The following INSC variants were observed in gnomAD, a reference collection of about 807,000 sequenced individuals.
INSC encodes the protein INSC spindle orientation adaptor protein.
A neutral mutation model predicts 58.6 loss-of-function variants in INSC; 67 were observed. That is an observed-to-expected ratio of 1.14 (90% CI 0.94 to 1.40). The LOEUF (loss-of-function observed/expected upper bound fraction) is 1.40. Among genes scored for constraint, INSC ranks in the 40% most tolerant of loss-of-function variants. INSC has a pLI of 0.00. For synonymous variants in INSC, 262 were observed against 276.1 expected (o/e 0.95, Z 0.51); for missense variants, 714 against 692.0 (o/e 1.03, Z -0.36).
intron 9 of INSC, among the ~76,000 whole-genome samples, chr11:15,229,950 A>T (rs537052849): frequency 0.022 from 147 of 6,742 alleles, 3 homozygotes; most frequent in Non-Finnish European, 0.03. Flanking sequence ...ATATAATATT[A>T]TATATATATT....
chr11:15,202,459 T>G (rs1030739650), intron 7 of INSC, among the ~76,000 whole-genome samples: 1 of 152,162 alleles, frequency 6.6e-6, no homozygotes, highest in African/African-American at 2.4e-5. Context: ...TGCTCTCTTA[T>G]ATGGCAAAAT....
At position 15,239,077 on chromosome 11, in the gene INSC, G is replaced by A. The variant is rs1455836936; in HGVS notation, c.1393+3G>A. On this transcript the variant is annotated splice_donor_region_variant and intron_variant, in intron 11 of 12. Coordinates refer to ENST00000379556, the MANE Select transcript of INSC (RefSeq NM_001042536.3). ...ACGGGAGGCCGTGCGGCTCAGCTGT[G>A]AGTGGTGCTTTCTGGCTGTGGCTGG... 6.2e-7 allele frequency: 1 copy of A among 1,608,976 alleles called. No individual in the cohort carries two copies. The highest frequency in any genetic ancestry group is 1.7e-5 in the Admixed American group (1 of 59,856).
chr11:15,227,447 A>G (rs1404722517), intron 9 of INSC, among the ~76,000 whole-genome samples: 1 of 152,228 alleles, frequency 6.6e-6, no homozygotes, highest in African/African-American at 2.4e-5. Flanking sequence ...TTCTTAATAA[A>G]TGGTGAATAT....
intron 5 of INSC, chr11:15,188,239 G>A (rs1590420332): frequency 1.0e-6 from 1 of 985,466 alleles, no homozygotes; most frequent in Non-Finnish European, 1.2e-6. Context: ...AAGGGAATGG[G>A]AAGCCAGGAT....
chr11:15,124,235 G>A (rs1267686836), intron 1 of INSC, among the ~76,000 whole-genome samples: 1 of 152,186 alleles, frequency 6.6e-6, no homozygotes, highest in East Asian at 1.9e-4. Context: ...TCCCAGGTGA[G>A]GAGACTGTCA....
At chr11:15,201,301 G>A (rs557277362) in intron 7 of INSC, among the ~76,000 whole-genome samples, 40 of 152,232 alleles carry the variant, frequency 2.6e-4, no homozygotes, top group African/African-American at 9.6e-4. Flanking sequence ...CCCACAGCAG[G>A]CCTCCTAAAG....
At chr11:15,128,269 C>T (rs1848046264) in intron 1 of INSC, among the ~76,000 whole-genome samples, 1 of 152,186 alleles carries the variant, frequency 6.6e-6, no homozygotes, top group Non-Finnish European at 1.5e-5. Flanking sequence ...TGAATTATAT[C>T]TTTCACTCCT....
chr11:15,136,955 C>A (rs531639949), intron 1 of INSC, among the ~76,000 whole-genome samples: 138 of 152,276 alleles, frequency 9.1e-4, no homozygotes, highest in African/African-American at 3.2e-3. Context: ...CTATCTATGG[C>A]AGCTACAGCC....
At chr11:15,207,903 G>A (rs1449440067) in intron 7 of INSC, among the ~76,000 whole-genome samples, 4 of 152,168 alleles carry the variant, frequency 2.6e-5, no homozygotes, top group Non-Finnish European at 4.4e-5. Context: ...AGCAAGTTGA[G>A]GCTGGAAAGG....
At chr11:15,249,924 G>T (rs1447150545), downstream of INSC, among the ~76,000 whole-genome samples, 1 of 152,216 alleles carries the variant, frequency 6.6e-6, no homozygotes, top group East Asian at 1.9e-4. Flanking sequence ...GCACAAGTTA[G>T]CTCAGGTCAC....
intron 1 of INSC, among the ~76,000 whole-genome samples, chr11:15,140,827 C>G (rs1284950788): frequency 2.0e-5 from 3 of 152,004 alleles, no homozygotes; most frequent in Admixed American, 6.6e-5. Flanking sequence ...TCAGGTGACC[C>G]TCTTGCCTCG....
chr11:15,174,462 G>A (rs1160792758), intron 2 of INSC, among the ~76,000 whole-genome samples: 2 of 151,956 alleles, frequency 1.3e-5, no homozygotes, highest in African/African-American at 4.8e-5. Context: ...ATGTAACATT[G>A]GCTAGAGAAG....
chr11:15,245,345 A>C (rs986115676), intron 12 of INSC, among the ~76,000 whole-genome samples: 1 of 152,186 alleles, frequency 6.6e-6, no homozygotes, highest in Non-Finnish European at 1.5e-5. Flanking sequence ...ATTGGGCTGA[A>C]GATTAAGAAT....
At chr11:15,248,643 C>G (rs1301283876), downstream of INSC, among the ~76,000 whole-genome samples, 1 of 152,144 alleles carries the variant, frequency 6.6e-6, no homozygotes, top group African/African-American at 2.4e-5. Context: ...TCTGCCCATT[C>G]CTCAATATCA....
intron 2 of INSC, among the ~76,000 whole-genome samples, chr11:15,158,925 C>T (rs1043928948): frequency 8.8e-6 from 1 of 113,358 alleles, no homozygotes; most frequent in African/African-American, 3.5e-5. Context: ...CTGGAATTTT[C>T]TCCTGTTCAA....
At chr11:15,136,163 A>G (rs1293189441) in intron 1 of INSC, among the ~76,000 whole-genome samples, 1 of 152,250 alleles carries the variant, frequency 6.6e-6, no homozygotes, top group East Asian at 1.9e-4. Flanking sequence ...CCCACTGCAT[A>G]TAAAAGTTAT....
At chr11:15,180,694 C>CGGGGGGG (rs756237896) in intron 5 of INSC, among the ~76,000 whole-genome samples, 2 of 41,822 alleles carry the variant, frequency 4.8e-5, no homozygotes, top group African/African-American at 1.9e-4. Context: ...AGGGGGGGGG[C>CGGGGGGG]GGGGGGGGGT....
At chr11:15,201,153 G>T (rs1046548794) in intron 7 of INSC, among the ~76,000 whole-genome samples, 1 of 152,180 alleles carries the variant, frequency 6.6e-6, no homozygotes, top group Admixed American at 6.5e-5. Context: ...ATGAGCCTGA[G>T]CAGGAAAGGC....
At chr11:15,157,564 A>C (rs1333122208) in intron 2 of INSC, among the ~76,000 whole-genome samples, 1 of 152,166 alleles carries the variant, frequency 6.6e-6, no homozygotes. Context: ...GTGTAATCAG[A>C]CTTTTCATAG....
Sources: gnomAD v4.1 joint callset for allele counts (sites outside exome capture counted in the v4.1 genomes callset) on GRCh38, gnomAD v4.1.1 for gene constraint, MANE v1.5 for transcripts, NCBI Gene and HGNC (gene_info 2026-07-23, HGNC 2026-07-21) for gene names.